Variants in NPIPB2 observed in about 807,000 individuals in gnomAD.
NPIPB2 encodes the protein nuclear pore complex-interacting protein family member B2.
Under a neutral mutation model 30.8 loss-of-function variants are expected in NPIPB2, and 27 were observed. The ratio of observed to expected loss-of-function variants is 0.88; its 90% CI spans 0.65 to 1.21. The LOEUF (loss-of-function observed/expected upper bound fraction) is 1.21. NPIPB2 is among the 50% of genes most tolerant of loss of function. The pLI is 0.00. For missense variants in NPIPB2, 440 were observed against 446.2 expected (o/e 0.99, Z 0.13); for synonymous variants, 147 against 162.0 (o/e 0.91, Z 0.70).
chr16:11,939,559 C>CA (rs1186690178), intron 1 of NPIPB2, among the ~76,000 whole-genome samples: 346 of 28,882 alleles, frequency 0.012, 4 homozygotes, highest in Middle Eastern at 0.045. Flanking sequence ...GACTCTGTCT[C>CA]AAAAAAAAAA....
intron 1 of NPIPB2, among the ~76,000 whole-genome samples, chr16:11,968,916 G>C (rs943518123): frequency 2.0e-5 from 3 of 151,482 alleles, no homozygotes; most frequent in African/African-American, 7.3e-5. Context: ...GCCCAGGCTG[G>C]AGTGCAGTGG....
chr16:11,935,178 C>G (rs2150911906), intron 2 of NPIPB2, among the ~76,000 whole-genome samples: 1 of 148,354 alleles, frequency 6.7e-6, no homozygotes, highest in African/African-American at 2.5e-5. Context: ...ACTGAATTCC[C>G]ACCAAGATTT....
chr16:11,967,176 CT>C, intron 1 of NPIPB2: 3 of 194,700 alleles, frequency 1.5e-5, no homozygotes, highest in Non-Finnish European at 2.2e-5. Context: ...AATTTTTGTA[CT>C]TTTTGGTAGA....
intron 1 of NPIPB2, among the ~76,000 whole-genome samples, chr16:11,950,008 C>T (rs372364281): frequency 6.6e-6 from 1 of 152,208 alleles, no homozygotes; most frequent in East Asian, 1.9e-4. Context: ...CCACATAAGC[C>T]TTGAATTTGT....
intron 1 of NPIPB2, chr16:11,964,078 G>C (rs2055174598): frequency 6.6e-6 from 1 of 150,678 alleles, no homozygotes; most frequent in African/African-American, 2.4e-5. Context: ...TATGTAAACA[G>C]AAAAATGCAC....
chr16:11,960,254 T>C (rs1488686570), intron 1 of NPIPB2, among the ~76,000 whole-genome samples: 3 of 152,140 alleles, frequency 2.0e-5, no homozygotes, highest in African/African-American at 4.8e-5. Flanking sequence ...AGATTTTAAG[T>C]ACCTGAGCAA....
intron 1 of NPIPB2, among the ~76,000 whole-genome samples, chr16:11,947,183 G>A (rs1022666978): frequency 1.4e-5 from 2 of 147,046 alleles, no homozygotes; most frequent in Non-Finnish European, 1.5e-5. Context: ...CAAACTCCTG[G>A]GCTCAGGATA....
At chr16:11,947,634 G>A (rs960342445) in intron 1 of NPIPB2, among the ~76,000 whole-genome samples, 15 of 151,826 alleles carry the variant, frequency 9.9e-5, no homozygotes, top group African/African-American at 3.4e-4. Flanking sequence ...GTGAGCCACC[G>A]CTCCTGGCCA....
chr16:11,973,186 ACT>A (rs2055246661), intron 1 of NPIPB2, among the ~76,000 whole-genome samples: 2 of 135,638 alleles, frequency 1.5e-5, no homozygotes, highest in Admixed American at 1.5e-4. Context: ...AAAAAAAAAG[ACT>A]CTATTCTATC....
intron 1 of NPIPB2, among the ~76,000 whole-genome samples, chr16:11,962,130 G>A (rs1375924179): frequency 6.6e-6 from 1 of 150,748 alleles, no homozygotes; most frequent in African/African-American, 2.4e-5. Context: ...CCCAGAAGGT[G>A]GAGGCTGCAG....
intron 1 of NPIPB2, among the ~76,000 whole-genome samples, chr16:11,959,418 C>A (rs2150934482): frequency 6.6e-6 from 1 of 151,922 alleles, no homozygotes; most frequent in Non-Finnish European, 1.5e-5. Flanking sequence ...CCTGCCCTTA[C>A]AAAAAATTAA....
chr16:11,968,054 T>TA, intron 1 of NPIPB2: 1 of 529,216 alleles, frequency 1.9e-6, no homozygotes, highest in East Asian at 3.6e-5. Flanking sequence ...ATGATTAAAC[T>TA]CTTTTTTTTC....
chr16:11,966,049 T>C (rs892008504), intron 1 of NPIPB2: 23 of 624,654 alleles, frequency 3.7e-5, no homozygotes, highest in Non-Finnish European at 5.6e-5. Flanking sequence ...AGGTGGAGGT[T>C]GCAGTGAGCC....
chr16:11,974,433 C>G (rs1385083501), intron 1 of NPIPB2, among the ~76,000 whole-genome samples: 1 of 152,160 alleles, frequency 6.6e-6, no homozygotes, highest in African/African-American at 2.4e-5. Flanking sequence ...AGGAGAATCA[C>G]TAGAACCCGG....
chr16:11,955,114 C>G (rs550512290), intron 1 of NPIPB2, among the ~76,000 whole-genome samples: 1 of 151,912 alleles, frequency 6.6e-6, no homozygotes, highest in Non-Finnish European at 1.5e-5. Context: ...GTGGCTCACA[C>G]CTATAATCCC....
chr16:11,940,520 C>T (rs1258223386), intron 1 of NPIPB2, among the ~76,000 whole-genome samples: 54 of 149,612 alleles, frequency 3.6e-4, no homozygotes, highest in Middle Eastern at 3.4e-3. Flanking sequence ...AGGCGGATCA[C>T]GAGGTCAAGA....
chr16:11,941,060 C>T, intron 1 of NPIPB2: 4 of 1,175,930 alleles, frequency 3.4e-6, no homozygotes, highest in Non-Finnish European at 4.5e-6. Flanking sequence ...GATCTGCCCA[C>T]CTCGGCCCCC....
At chr16:11,933,748 C>G (rs1350273931) in intron 3 of NPIPB2, 36 bp from the exon 4 acceptor site, 1 of 1,596,164 alleles carries the variant, frequency 6.3e-7, no homozygotes, top group Non-Finnish European at 8.5e-7. Flanking sequence ...GGTGAGAAAC[C>G]TGAGGGCAAG....
chr16:11,936,046 T>C (rs929834895), intron 2 of NPIPB2, among the ~76,000 whole-genome samples: 26 of 149,350 alleles, frequency 1.7e-4, no homozygotes, highest in Non-Finnish European at 3.7e-4. Flanking sequence ...GGCTCACGCT[T>C]GTAATCCCAG....
Sources: gnomAD v4.1 joint callset for allele counts (sites outside exome capture counted in the v4.1 genomes callset) on GRCh38, gnomAD v4.1.1 for gene constraint, MANE v1.5 for transcripts, NCBI Gene and HGNC (gene_info 2026-07-23, HGNC 2026-07-21) for gene names.